Variants in ZNF678 observed in about 807,000 individuals in gnomAD.
ZNF678 encodes hypothetical protein MGC42493.
Under a neutral mutation model 3.0 loss-of-function variants are expected in ZNF678, and 5 were observed. That is an observed-to-expected ratio of 1.69 (90% CI 0.88 to 3.56). The LOEUF (loss-of-function observed/expected upper bound fraction) is 3.56. ZNF678 is among the 30% of genes most tolerant of loss of function. The pLI is 0.00. For missense variants in ZNF678, 593 were observed against 605.0 expected (o/e 0.98, Z 0.21); for synonymous variants, 218 against 199.6 (o/e 1.09, Z -0.78).
rs118181770 is a variant in ZNF678 at position 227,580,508 on chromosome 1, A to G, written c.-164+16784A>G. Among the ~76,000 whole-genome samples, 43 of 152,264 alleles carry G rather than the reference A, an allele frequency of 2.8e-4. No homozygotes were observed. In the East Asian group the frequency reaches 8.3e-3, roughly 29 times the overall value. On this transcript the variant is annotated intron_variant, in intron 1 of 3. Coordinates refer to ENST00000343776, the MANE Select transcript of ZNF678 (RefSeq NM_001367909.1). ...TGAATTTTTGTTTTCATTACTTTTG[A>G]TGCCTTTATGAAACTAAGGGCTTCC...
At chr1:227,645,337 A>G (rs1658927650) in intron 1 of ZNF678, among the ~76,000 whole-genome samples, 1 of 152,206 alleles carries the variant, frequency 6.6e-6, no homozygotes, top group African/African-American at 2.4e-5. Flanking sequence ...GTACTAGGTC[A>G]AGGGCTGGGT....
chr1:227,602,308 A>T (rs1657756352), intron 1 of ZNF678, among the ~76,000 whole-genome samples: 1 of 152,234 alleles, frequency 6.6e-6, no homozygotes, highest in Admixed American at 6.5e-5. Flanking sequence ...TATCAGTTAA[A>T]ATTTATGTTT....
chr1:227,646,120 A>G (rs963744550), intron 1 of ZNF678, among the ~76,000 whole-genome samples: 4 of 152,228 alleles, frequency 2.6e-5, no homozygotes, highest in Admixed American at 6.5e-5. Flanking sequence ...CAAAATTCAA[A>G]AAGTCAGGTT....
chr1:227,630,545 C>A (rs1658523475), intron 1 of ZNF678, among the ~76,000 whole-genome samples: 1 of 152,200 alleles, frequency 6.6e-6, no homozygotes, highest in Non-Finnish European at 1.5e-5. Flanking sequence ...CAAAGGATTG[C>A]CCTAACCCTT....
At chr1:227,676,392 T>C (rs931333470) in intron 5 of ZNF678, among the ~76,000 whole-genome samples, 3 of 152,154 alleles carry the variant, frequency 2.0e-5, no homozygotes, top group African/African-American at 7.2e-5. Context: ...ACAAGAGCCA[T>C]GAATGGGAAA....
At chr1:227,651,695 CT>C (rs1258878060) in intron 3 of ZNF678, among the ~76,000 whole-genome samples, 5 of 152,166 alleles carry the variant, frequency 3.3e-5, no homozygotes, top group Non-Finnish European at 5.9e-5. Flanking sequence ...TGGTCTTGTG[CT>C]TTTAGCAGGG....
chr1:227,656,161 A>G lies in ZNF678; in HGVS notation c.*333A>G, dbSNP rs925662933. ...AACACCAGAGTTTATAGTATAGTAG[A>G]ATATATTTTACAGATACAGTGAATA... On this transcript the variant is annotated 3_prime_UTR_variant, in exon 4 of 4. Transcript: ENST00000343776. The G allele has an allele frequency of 5.9e-6, 1 of 170,002 alleles. No homozygotes were observed. The highest frequency in any genetic ancestry group is 1.3e-5 in the Non-Finnish European group (1 of 79,862). The allele number at this position is 170,002 out of a possible 1,614,324, so 10.5% of individuals were successfully genotyped here.
At chr1:227,580,701 A>G (rs1657107653) in intron 1 of ZNF678, among the ~76,000 whole-genome samples, 1 of 152,138 alleles carries the variant, frequency 6.6e-6, no homozygotes, top group Non-Finnish European at 1.5e-5. Context: ...AGGCCAAGGC[A>G]GGCGGATCAT....
chr1:227,576,774 G>C (rs1273272139), intron 1 of ZNF678, among the ~76,000 whole-genome samples: 2 of 152,138 alleles, frequency 1.3e-5, no homozygotes, highest in Non-Finnish European at 2.9e-5. Context: ...CTTGCCTTCT[G>C]CTAGCTTTGG....
chr1:227,573,937 TC>T (rs1656922159), intron 1 of ZNF678, among the ~76,000 whole-genome samples: 1 of 152,220 alleles, frequency 6.6e-6, no homozygotes, highest in Non-Finnish European at 1.5e-5. Flanking sequence ...GTTTTTCTGT[TC>T]CTGTGTTATT....
At position 227,606,217 on chromosome 1, in the gene ZNF678, A is replaced by G. The variant is rs923664468; in HGVS notation, c.-163-40327A>G. The stretch of plus-strand genomic sequence containing the variant: ...GTATTTATTGATTACCATTTTCACT[A>G]TCTCTCCAAGGGGAGTGTGGCAGGA... On this transcript the variant is annotated intron_variant, in intron 1 of 3. Transcript: ENST00000343776. Among the ~76,000 whole-genome samples the G allele has an allele frequency of 5.3e-5, 8 of 152,210 alleles. No individual in the cohort carries two copies. In the South Asian group the frequency reaches 6.2e-4, roughly 12 times the overall value.
chr1:227,625,214 C>G (rs1219907633), intron 1 of ZNF678, among the ~76,000 whole-genome samples: 8 of 152,194 alleles, frequency 5.3e-5, no homozygotes, highest in Admixed American at 3.3e-4. Context: ...TGCGGTCACC[C>G]TCCCTAGCTA....
chr1:227,585,732 A>G (rs1035678753), intron 1 of ZNF678, among the ~76,000 whole-genome samples: 1 of 151,902 alleles, frequency 6.6e-6, no homozygotes, highest in Admixed American at 6.6e-5. Flanking sequence ...AGCTGAGATC[A>G]CACCACTGCA....
intron 1 of ZNF678, among the ~76,000 whole-genome samples, chr1:227,643,639 C>A (rs939976870): frequency 7.9e-5 from 12 of 152,014 alleles, no homozygotes; most frequent in Non-Finnish European, 1.5e-4. Flanking sequence ...TATTTTGGTG[C>A]CTTAATTTTT....
chr1:227,663,430 C>G (rs1488435884), downstream of ZNF678, among the ~76,000 whole-genome samples: 1 of 152,168 alleles, frequency 6.6e-6, no homozygotes, highest in Admixed American at 6.5e-5. Flanking sequence ...AGCTCCTGCC[C>G]TGATGGGACT....
intron 1 of ZNF678, among the ~76,000 whole-genome samples, chr1:227,609,745 T>TC (rs1349571498): frequency 1.3e-5 from 2 of 152,022 alleles, no homozygotes; most frequent in African/African-American, 4.8e-5. Context: ...TTTTTTTTTT[T>TC]CTCTTTGAGA....
At chr1:227,574,033 A>G (rs1656924938) in intron 1 of ZNF678, among the ~76,000 whole-genome samples, 1 of 152,312 alleles carries the variant, frequency 6.6e-6, no homozygotes, top group South Asian at 2.1e-4. Flanking sequence ...CTAGGATTTC[A>G]TGGTGTATAT....
intron 1 of ZNF678, among the ~76,000 whole-genome samples, chr1:227,568,392 G>A (rs1330593386): frequency 6.9e-6 from 1 of 145,404 alleles, no homozygotes; most frequent in Non-Finnish European, 1.5e-5. Context: ...TCCGTGTCTG[G>A]CTTTGTAATA....
chr1:227,649,317 G>A (rs1001360990), intron 2 of ZNF678, among the ~76,000 whole-genome samples: 1 of 152,120 alleles, frequency 6.6e-6, no homozygotes, highest in African/African-American at 2.4e-5. Flanking sequence ...AACTTTTAAA[G>A]TATACAGTAC....
Sources: allele counts gnomAD v4.1 joint callset (sites outside exome capture counted in the v4.1 genomes callset), GRCh38; gene constraint gnomAD v4.1.1; transcripts MANE v1.5; gene names NCBI Gene and HGNC (gene_info 2026-07-23, HGNC 2026-07-21).